Variants in DNAH12 observed in about 807,000 individuals in gnomAD.
The protein encoded by DNAH12 is axonemal beta dynein heavy chain 12.
Under a neutral mutation model 371.5 loss-of-function variants are expected in DNAH12, and 285 were observed. The observed-to-expected ratio is 0.77, with a 90% CI of 0.70 to 0.85. The LOEUF is 0.85. Ranked by LOEUF, DNAH12 falls within the 40% of genes least tolerant of loss-of-function variation. The pLI is 0.00. For synonymous variants in DNAH12, 1,200 were observed against 1,213.0 expected (o/e 0.99, Z 0.22); for missense variants, 3,611 against 3,689.4 (o/e 0.98, Z 0.55).
chr3:57,537,136 G>A (rs1023449894), intron 2 of DNAH12, among the ~76,000 whole-genome samples: 2 of 152,290 alleles, frequency 1.3e-5, no homozygotes, highest in East Asian at 1.9e-4. Context: ...AGAGGTTGCA[G>A]TGAACAGAGA....
At chr3:57,420,691 C>G (rs373633096) in intron 36 of DNAH12, among the ~76,000 whole-genome samples, 2 of 151,904 alleles carry the variant, frequency 1.3e-5, no homozygotes, top group Non-Finnish European at 1.5e-5. Flanking sequence ...GGGTGGATCA[C>G]GAGGTCAGGA....
At chr3:57,476,032 A>T (rs1266028509) in intron 13 of DNAH12, among the ~76,000 whole-genome samples, 1 of 152,254 alleles carries the variant, frequency 6.6e-6, no homozygotes, top group Non-Finnish European at 1.5e-5. Flanking sequence ...TTTTAAAATA[A>T]ATTATTGTAT....
rs1333747768 is a variant in DNAH12 at position 57,508,467 on chromosome 3, T to C, written c.616A>G (p.Ile206Val). The change falls in exon 7 of 74, where the codon ATT (isoleucine) becomes GTT (valine). Residue 206 changes from isoleucine (I) to valine (V), a missense_variant. Physicochemically the swap from Ile to Val is conservative, Grantham distance 29. This residue lies in a region of DNAH12 where 1,314 missense variants were observed against 1,398.7 expected (regional missense o/e 0.94). Transcript: ENST00000495027. ...ARNQIFSNLHIIHPTMKMLLD... is the reference protein window; with the variant it reads ...ARNQIFSNLHVIHPTMKMLLD... Reference sequence around the variant, plus strand: ...AACATTTTCATAGTTGGATGAATAATGTGCAAATTAGAGAATATTTGATTT... The same window carrying C: ...AACATTTTCATAGTTGGATGAATAACGTGCAAATTAGAGAATATTTGATTT... The C allele has an allele frequency of 6.2e-7, 1 of 1,613,532 alleles. No homozygotes were observed. Among genetic ancestry groups the C allele is most frequent in the Non-Finnish European group, 8.5e-7 (1 of 1,179,858 alleles).
chr3:57,456,633 A>G (rs2065909618), intron 22 of DNAH12, among the ~76,000 whole-genome samples: 1 of 152,112 alleles, frequency 6.6e-6, no homozygotes, highest in African/African-American at 2.4e-5. Flanking sequence ...TGCATTTACC[A>G]CTCGTGTCTG....
At chr3:57,444,557 ATTG>A in intron 29 of DNAH12, 137 bp downstream of exon 29, 1 of 1,254,486 alleles carries the variant, frequency 8.0e-7, no homozygotes, top group South Asian at 1.4e-5. Flanking sequence ...AAATTTACTT[ATTG>A]TTATTAACTA....
At chr3:57,491,203 T>C (rs2067114703) in intron 11 of DNAH12, among the ~76,000 whole-genome samples, 1 of 151,874 alleles carries the variant, frequency 6.6e-6, no homozygotes, top group Non-Finnish European at 1.5e-5. Flanking sequence ...ATATATACAG[T>C]ATGATACCTT....
At chr3:57,395,154 T>TA (rs2063710835) in intron 43 of DNAH12, among the ~76,000 whole-genome samples, 3 of 152,170 alleles carry the variant, frequency 2.0e-5, no homozygotes, top group South Asian at 4.1e-4. Context: ...ATCAATATAG[T>TA]AAAATACAAT....
intron 60 of DNAH12, among the ~76,000 whole-genome samples, chr3:57,335,592 A>G (rs1404479491): frequency 2.0e-5 from 3 of 152,208 alleles, no homozygotes; most frequent in Non-Finnish European, 4.4e-5. Context: ...ATATTACTGT[A>G]CTGAATACAG....
rs1409253388 is a variant in DNAH12 at position 57,483,531 on chromosome 3, T to TA, written c.1515-21dup. ...CAAATACTGACATAATACTCTGCTTTAATAGACTTATGGCAATTAATGTTA... is the reference window on the plus strand; with the variant it reads ...CAAATACTGACATAATACTCTGCTTTAAATAGACTTATGGCAATTAATGTTA... On this transcript the variant is annotated intron_variant, in intron 12 of 73. Transcript: ENST00000495027. The TA allele has an allele frequency of 6.5e-7, 1 of 1,536,776 alleles. No homozygotes were observed. The highest frequency in any genetic ancestry group is 8.8e-7 in the Non-Finnish European group (1 of 1,142,528).
intron 62 of DNAH12, among the ~76,000 whole-genome samples, chr3:57,332,508 C>T (rs764571967): frequency 1.3e-5 from 2 of 152,142 alleles, no homozygotes; most frequent in African/African-American, 4.8e-5. Flanking sequence ...ACAAACTGAA[C>T]GCTATTCTCT....
chr3:57,462,989 T>A, intron 17 of DNAH12, 114 bp from the exon 18 acceptor site: 1 of 685,988 alleles, frequency 1.5e-6, no homozygotes, highest in Non-Finnish European at 2.3e-6. Flanking sequence ...TTATTTAATA[T>A]ATTTCTATCA....
intron 43 of DNAH12, among the ~76,000 whole-genome samples, chr3:57,400,413 G>A (rs2153350882): frequency 6.6e-6 from 1 of 152,288 alleles, no homozygotes; most frequent in East Asian, 1.9e-4. Context: ...TGGCAGAAGT[G>A]AAAGAAGAAT....
At chr3:57,441,569 G>A (rs575584845) in intron 29 of DNAH12, among the ~76,000 whole-genome samples, 8 of 152,122 alleles carry the variant, frequency 5.3e-5, no homozygotes, top group Non-Finnish European at 8.8e-5. Context: ...CTCTTTAGGA[G>A]GCTGCTTGAG....
At chr3:57,516,053 C>CTTTT (rs11395278) in intron 4 of DNAH12, among the ~76,000 whole-genome samples, 3,763 of 72,076 alleles carry the variant, frequency 0.052, 48 homozygotes, top group Middle Eastern at 0.058. Context: ...ACTGCTTAGT[C>CTTTT]TTTTTTTTTT....
intron 7 of DNAH12, among the ~76,000 whole-genome samples, 171 bp downstream of exon 7, chr3:57,508,211 A>C (rs984672832): frequency 7.3e-5 from 11 of 151,508 alleles, no homozygotes; most frequent in East Asian, 3.8e-4. Flanking sequence ...AAAAAAAAAA[A>C]AAACCAAAAA....
rs1338261325 is a variant in DNAH12 at position 57,482,455 on chromosome 3, C to G, written c.1650+921G>C. On this transcript the variant is annotated intron_variant, in intron 13 of 73. Transcript: ENST00000495027. Reference sequence around the variant, plus strand: ...TGGAGAGGATGTGGAGAAATAGGAGCACTTTTACACTGTTGGTGGGACTGT... The same window carrying G: ...TGGAGAGGATGTGGAGAAATAGGAGGACTTTTACACTGTTGGTGGGACTGT... 7.3e-5 allele frequency among the ~76,000 whole-genome samples: 11 copies of G among 151,476 alleles called. No homozygotes were observed. In the South Asian group the frequency reaches 2.3e-3, roughly 32 times the overall value.
intron 1 of DNAH12, among the ~76,000 whole-genome samples, chr3:57,543,729 T>C (rs986001516): frequency 2.6e-5 from 4 of 151,350 alleles, no homozygotes; most frequent in African/African-American, 7.3e-5. Flanking sequence ...ATGGCAAATA[T>C]AAAATGTCAT....
intron 43 of DNAH12, among the ~76,000 whole-genome samples, chr3:57,400,483 C>G (rs2063834766): frequency 1.3e-5 from 2 of 152,124 alleles, no homozygotes; most frequent in African/African-American, 4.8e-5. Context: ...TCCAAGACCC[C>G]CAGTGGATGC....
chr3:57,499,647 A>AAAAAAAAAAAAAAAAAAAAAT (rs1451248906), intron 11 of DNAH12, among the ~76,000 whole-genome samples: 1 of 17,946 alleles, frequency 5.6e-5, no homozygotes, highest in Non-Finnish European at 1.2e-4. Flanking sequence ...AAAAAAAAAA[A>AAAAAAAAAAAAAAAAAAAAAT]ATATATATAT....
Sources: gnomAD v4.1 joint callset for allele counts (sites outside exome capture counted in the v4.1 genomes callset) on GRCh38, gnomAD v4.1.1 for gene constraint, gnomAD v4.1.1 regional missense constraint, MANE v1.5 for transcripts, NCBI Gene and HGNC (gene_info 2026-07-23, HGNC 2026-07-21) for gene names.